ZNF728: variants seen among roughly 807,000 people sequenced by gnomAD.
ZNF728 encodes the protein zinc finger protein 728.
ZNF728 carries 12 observed loss-of-function variants against 12.5 expected under a neutral mutation model. The ratio of observed to expected loss-of-function variants is 0.96; its 90% CI spans 0.61 to 1.55. ZNF728 has a LOEUF of 1.55. Among genes scored for constraint, ZNF728 ranks in the 40% most tolerant of loss-of-function variants. ZNF728 has a pLI of 0.00. For missense variants in ZNF728, 692 were observed against 719.2 expected, an observed-to-expected ratio of 0.96 and a Z score of 0.43; for synonymous variants, 205 against 240.7, an observed-to-expected ratio of 0.85 and a Z score of 1.37.
chr19:23,002,917 C>A, intron 1 of ZNF728, 111 bp downstream of exon 1: 1 of 1,419,652 alleles, frequency 7.0e-7, no homozygotes, highest in Non-Finnish European at 9.7e-7. Context: ...GAACACGGGG[C>A]ACAGATTGTG....
chr19:22,993,989 T>C (rs1159272931), intron 1 of ZNF728, among the ~76,000 whole-genome samples: 7 of 152,172 alleles, frequency 4.6e-5, no homozygotes, highest in Non-Finnish European at 1.0e-4. Flanking sequence ...AAGTGTTACC[T>C]GAACATTTGT....
intron 1 of ZNF728, among the ~76,000 whole-genome samples, chr19:23,001,119 G>A (rs1209783609): frequency 6.6e-6 from 1 of 152,022 alleles, no homozygotes; most frequent in Non-Finnish European, 1.5e-5. Context: ...CATCTCACTG[G>A]GGTCAGTTGT....
intron 1 of ZNF728, among the ~76,000 whole-genome samples, chr19:22,994,261 G>T (rs771800611): frequency 2.6e-5 from 4 of 152,158 alleles, no homozygotes; most frequent in Non-Finnish European, 5.9e-5. Context: ...ATATTTAGGG[G>T]ACAGCATGCA....
chr19:22,989,115 G>A (rs1375465463), intron 1 of ZNF728, among the ~76,000 whole-genome samples: 1 of 149,024 alleles, frequency 6.7e-6, no homozygotes, highest in Non-Finnish European at 1.5e-5. Context: ...AAAAGACATA[G>A]TTGTGTATAT....
rs1285443215 is a variant in ZNF728 at position 22,987,305 on chromosome 19, T to C, written c.226+3A>G. 6.2e-7 allele frequency: 1 copy of C among 1,609,694 alleles called. No individual in the cohort carries two copies. The highest frequency in any genetic ancestry group is 1.3e-5 in the African/African-American group (1 of 74,766). ...CATGTTGTCTGTATTCATTCTCACC[T>C]ACCTGGCGGTTCTTTCACCAGCTCA... On this transcript the variant is annotated splice_donor_region_variant and intron_variant, in intron 3 of 3. Coordinates refer to ENST00000594710, the MANE Select transcript of ZNF728 (RefSeq NM_001267716.2).
At chr19:22,978,807 G>A (rs943309537) in intron 3 of ZNF728, among the ~76,000 whole-genome samples, 2 of 151,018 alleles carry the variant, frequency 1.3e-5, no homozygotes, top group East Asian at 1.9e-4. Context: ...GAAAGGAACA[G>A]AAGCAACATC....
In ZNF728 at chr19:22,976,190, G is replaced by A; in HGVS notation, c.1147C>T (p.Leu383Phe). 6.2e-7 allele frequency: 1 copy of A among 1,613,594 alleles called. No individual in the cohort carries two copies. Among genetic ancestry groups the A allele is most frequent in the South Asian group, 1.1e-5 (1 of 91,056 alleles). Reference sequence around the variant, plus strand: ...GCATGAATTCTCTTGTGTTCAGTAAGGCTTGAGGGCCAGCTGAAGGCTTTG... The same window carrying A: ...GCATGAATTCTCTTGTGTTCAGTAAAGCTTGAGGGCCAGCTGAAGGCTTTG... ...CGKAFSWPSS[L>F]TEHKRIHAGD... Residue 383 changes from leucine to phenylalanine, a missense_variant, in exon 4 of 4, where the codon CTT becomes TTT. By Grantham distance (22) the Leu-to-Phe change is conservative. Coordinates refer to ENST00000594710, the MANE Select transcript of ZNF728 (RefSeq NM_001267716.2).
At chr19:22,982,765 G>A (rs1436572837) in intron 3 of ZNF728, among the ~76,000 whole-genome samples, 1 of 152,066 alleles carries the variant, frequency 6.6e-6, no homozygotes, top group Admixed American at 6.6e-5. Context: ...ATGGGGAAAC[G>A]ATTCCCTATT....
At chr19:22,991,828 T>C (rs1968991639) in intron 1 of ZNF728, among the ~76,000 whole-genome samples, 1 of 152,180 alleles carries the variant, frequency 6.6e-6, no homozygotes, top group Admixed American at 6.5e-5. Context: ...TACAATTCTG[T>C]TCTCTATGCC....
chr19:22,978,241 A>C (rs1968826308), intron 3 of ZNF728, among the ~76,000 whole-genome samples: 1 of 151,834 alleles, frequency 6.6e-6, no homozygotes, highest in African/African-American at 2.4e-5. Flanking sequence ...TGAGATAACC[A>C]GTGAATTGTC....
Position 22,976,156 on chromosome 19 carries a change from T to C in ZNF728, c.1181A>G (p.Lys394Arg), listed in dbSNP as rs17172932. Residue 394 changes from lysine (K) to arginine (R), a missense_variant, in exon 4 of 4, where the codon AAA becomes AGA. This residue lies in a region of ZNF728 where 440 missense variants were observed against 459.6 expected (regional missense o/e 0.96). Transcript: ENST00000594710. ...TEHKRIHAGD[K>R]PYKCEECGKT... ...GCCACATTCTTCACATTTGTAAGGT[T>C]TGTCTCCAGCATGAATTCTCTTGTG... 6.2e-7 allele frequency: 1 copy of C among 1,613,444 alleles called. No individual in the cohort carries two copies. Among genetic ancestry groups the C allele is most frequent in the Non-Finnish European group, 8.5e-7 (1 of 1,179,900 alleles).
Position 22,975,589 on chromosome 19 carries a change from T to C in ZNF728, c.1748A>G (p.Lys583Arg). The stretch of plus-strand genomic sequence containing the variant: ...GAATTTCTTTCCAGCATGAATTTTC[T>C]TATGTTTGTTAAGGACTGAGACCCA... ...FSWVSVLNKH[K>R]KIHAGKKFYK... Residue 583 changes from lysine (K) to arginine (R), a missense_variant, in exon 4 of 4, where the codon AAG becomes AGG. Physicochemically the swap from Lys to Arg is conservative, Grantham distance 26. Coordinates refer to ENST00000594710, the MANE Select transcript of ZNF728 (RefSeq NM_001267716.2). 6 of 1,605,638 alleles carry C rather than the reference T, an allele frequency of 3.7e-6. No homozygotes were observed. The highest frequency in any genetic ancestry group is 5.1e-6 in the Non-Finnish European group (6 of 1,177,394).
chr19:23,002,923 T>C (rs967118079), intron 1 of ZNF728, 105 bp downstream of exon 1: 8 of 1,455,612 alleles, frequency 5.5e-6, no homozygotes, highest in Non-Finnish European at 7.6e-6. Flanking sequence ...GGGGCACAGA[T>C]TGTGGAGCTG....
At chr19:22,984,832 AAAT>A (rs553980900) in intron 3 of ZNF728, among the ~76,000 whole-genome samples, 3 of 151,932 alleles carry the variant, frequency 2.0e-5, no homozygotes, top group Admixed American at 6.6e-5. Context: ...AACAATCTTA[AAAT>A]AATAATAATA....
At chr19:23,000,040 G>C (rs1284319495) in intron 1 of ZNF728, among the ~76,000 whole-genome samples, 1 of 151,976 alleles carries the variant, frequency 6.6e-6, no homozygotes, top group Non-Finnish European at 1.5e-5. Flanking sequence ...CTAAAAGCTA[G>C]ATGGAATTCT....
chr19:22,995,958 T>C (rs1167947856), intron 1 of ZNF728: 1 of 152,180 alleles, frequency 6.6e-6, no homozygotes, highest in African/African-American at 2.4e-5. Context: ...CTGTCTTTAT[T>C]TGTCCTGTAA....
At chr19:22,990,121 A>G (rs751036241) in intron 1 of ZNF728, among the ~76,000 whole-genome samples, 1 of 152,174 alleles carries the variant, frequency 6.6e-6, no homozygotes, top group Non-Finnish European at 1.5e-5. Flanking sequence ...CTATTGTAAG[A>G]ATTTTTTAAA....
At chr19:23,001,349 C>T (rs117846766) in intron 1 of ZNF728, among the ~76,000 whole-genome samples, 1,559 of 152,310 alleles carry the variant, frequency 0.01, 67 homozygotes, top group Admixed American at 0.082. Flanking sequence ...AAAAAAACAG[C>T]ACACCAGAAG....
intron 3 of ZNF728, among the ~76,000 whole-genome samples, chr19:22,982,798 T>A (rs1277865089): frequency 6.6e-6 from 1 of 152,098 alleles, no homozygotes; most frequent in East Asian, 1.9e-4. Context: ...TTGAAAAAAC[T>A]GGCTAGCCAT....
Sources: gnomAD v4.1 joint callset for allele counts (sites outside exome capture counted in the v4.1 genomes callset) on GRCh38, gnomAD v4.1.1 for gene constraint, gnomAD v4.1.1 regional missense constraint, MANE v1.5 for transcripts, NCBI Gene and HGNC (gene_info 2026-07-23, HGNC 2026-07-21) for gene names.